The following STK17A variants were observed in gnomAD, a reference collection of about 807,000 sequenced individuals.
STK17A encodes the protein serine/threonine-protein kinase 17A.
In STK17A, 26 loss-of-function variants were observed where a neutral mutation model predicts 43.7. That is an observed-to-expected ratio of 0.60 (90% CI 0.44 to 0.83). The LOEUF (loss-of-function observed/expected upper bound fraction) is 0.83. Ranked by LOEUF, STK17A falls within the 40% of genes least tolerant of loss-of-function variation. The pLI, the probability that STK17A is intolerant of heterozygous loss-of-function variation, is 0.00. For synonymous variants in STK17A, 191 were observed against 182.5 expected (o/e 1.05, Z -0.38); for missense variants, 476 against 511.6 (o/e 0.93, Z 0.67).
rs2084622948 is a variant in STK17A at position 43,627,001 on chromosome 7, A to G, written c.*2159A>G. 6.6e-6 allele frequency among the ~76,000 whole-genome samples: 1 copy of G among 151,628 alleles called. No homozygotes were observed. The highest frequency in any genetic ancestry group is 1.5e-5 in the Non-Finnish European group (1 of 67,880). ...CATAGTATTAGGCCAAATAAAATCT[A>G]TTAATAACTGCCAGCTAGCTCTACA... On this transcript the variant is annotated 3_prime_UTR_variant, in exon 7 of 7. Transcript: ENST00000319357.
chr7:43,599,308 C>T (rs920401019), intron 2 of STK17A, among the ~76,000 whole-genome samples: 1 of 152,210 alleles, frequency 6.6e-6, no homozygotes, highest in African/African-American at 2.4e-5. Flanking sequence ...TTTTCACCTG[C>T]ATTTTCACTT....
At chr7:43,620,450 A>G (rs1273651736) in intron 4 of STK17A, among the ~76,000 whole-genome samples, 9 of 152,130 alleles carry the variant, frequency 5.9e-5, no homozygotes, top group Non-Finnish European at 8.8e-5. Context: ...CAAGGTGGGC[A>G]GATCACTTGA....
chr7:43,594,982 C>G (rs548641187), intron 1 of STK17A, among the ~76,000 whole-genome samples: 1 of 152,000 alleles, frequency 6.6e-6, no homozygotes, highest in African/African-American at 2.4e-5. Context: ...GGTTCAAGCC[C>G]ACATAGGTTT....
intron 1 of STK17A, 109 bp downstream of exon 1, chr7:43,583,558 T>C: frequency 1.0e-6 from 1 of 971,626 alleles, no homozygotes; most frequent in Non-Finnish European, 1.3e-6. Context: ...GCGTTGCTGC[T>C]GCCGATAACG....
chr7:43,583,408 C>T lies in STK17A; in HGVS notation c.165C>T (p.Phe55=), dbSNP rs2082414808. The change falls in exon 1 of 7, where the codon TTC becomes TTT. Residue 55 remains phenylalanine (F), a synonymous_variant. Coordinates refer to ENST00000319357, the MANE Select transcript of STK17A (RefSeq NM_004760.3). ...EIRAVVRTEP[F]QDGYSLCPGR... ...GCGCCGTGGTGCGCACCGAGCCCTT[C>T]CAGGACGGCTACAGCCTGTGCCCGG... The T allele has an allele frequency of 7.0e-7, 1 of 1,435,370 alleles. No homozygotes were observed. Among genetic ancestry groups the T allele is most frequent in the Non-Finnish European group, 9.1e-7 (1 of 1,092,962 alleles). The allele number at this position is 1,435,370 out of a possible 1,614,324, so 88.9% of individuals were successfully genotyped here. A position where few individuals can be genotyped will look rare whatever the true frequency, so the allele number is the denominator to read the frequency against.
At chr7:43,601,318 A>G (rs1207391890) in intron 2 of STK17A, among the ~76,000 whole-genome samples, 1 of 152,248 alleles carries the variant, frequency 6.6e-6, no homozygotes, top group African/African-American at 2.4e-5. Flanking sequence ...TGAGAAGCAC[A>G]AAAGTATTTG....
Position 43,624,709 on chromosome 7 carries a change from T to C in STK17A, c.1112T>C (p.Ile371Thr), listed in dbSNP as rs747030252. The C allele has an allele frequency of 1.1e-5, 18 of 1,614,002 alleles. No homozygotes were observed. The highest frequency in any genetic ancestry group is 1.6e-4 in the Middle Eastern group (1 of 6,082). Residue 371 changes from isoleucine (I) to threonine (T), a missense_variant, in exon 7 of 7, where the codon ATT (isoleucine) becomes ACT (threonine). Ile to Thr is a moderately conservative substitution (Grantham distance 89). Transcript: ENST00000319357. ...GAATCCATTGTAACCGAAGAGTTAA[T>C]TGTAGTTACTTCATATACTCTAGGA... ...TKESIVTEEL[I>T]VVTSYTLGQC... is the part of the protein sequence containing the mutation.
At position 43,608,372 on chromosome 7, in the gene STK17A, C is replaced by G; in HGVS notation, c.536C>G (p.Thr179Ser). 1.9e-6 allele frequency: 3 copies of G among 1,608,940 alleles called. 1 individual carries two copies. In the South Asian group the frequency reaches 3.4e-5, roughly 18 times the overall value. Residue 179 changes from threonine (T) to serine (S), a missense_variant, in exon 3 of 7, where the codon ACT (threonine) becomes AGT (serine). Thr to Ser is a moderately conservative substitution (Grantham distance 58). This residue lies in a region of STK17A where 320 missense variants were observed against 326.3 expected (regional missense o/e 0.98). Transcript: ENST00000319357. ...TTAGAAGGTGTTCACTTTTTACACA[C>G]TCGTGATGTAGTTCATCTTGATTTG... The part of the protein sequence containing the change: ...QILEGVHFLH[T>S]RDVVHLDLKP...
chr7:43,614,271 C>T (rs570776648), intron 3 of STK17A, among the ~76,000 whole-genome samples: 16 of 152,082 alleles, frequency 1.1e-4, no homozygotes, highest in Non-Finnish European at 2.2e-4. Context: ...ATTTACGGAC[C>T]GTCTGCAGGT....
rs1170348793 is a variant in STK17A at position 43,596,062 on chromosome 7, A to G, written c.368A>G (p.Asn123Ser). The G allele has an allele frequency of 6.2e-7, 1 of 1,613,444 alleles. No homozygotes were observed. Among genetic ancestry groups the G allele is most frequent in the South Asian group, 1.1e-5 (1 of 91,028 alleles). Residue 123 changes from asparagine (N) to serine (S), a missense_variant, in exon 2 of 7, where the codon AAT (asparagine) becomes AGT (serine). Physicochemically the swap from Asn to Ser is conservative, Grantham distance 46. This residue lies in a region of STK17A where 320 missense variants were observed against 326.3 expected (regional missense o/e 0.98). Transcript: ENST00000319357. The part of the protein sequence containing the change: ...ELAQDNPWVI[N>S]LHEVYETASE... ...GCACAAGACAATCCTTGGGTCATTA[A>G]TTTACATGAAGTTTATGAGACTGCA...
chr7:43,607,659 A>G (rs1210150029), intron 2 of STK17A, among the ~76,000 whole-genome samples: 5 of 151,464 alleles, frequency 3.3e-5, no homozygotes, highest in Admixed American at 6.6e-5. Flanking sequence ...AAAAAAAAAA[A>G]AAAAAAAAAA....
rs548036132 is a variant in STK17A, at chr7:43,613,597, C to G, written c.564+5197C>G. On this transcript the variant is annotated intron_variant, in intron 3 of 6. Coordinates refer to ENST00000319357, the MANE Select transcript of STK17A (RefSeq NM_004760.3). ...GTGGCTCACACCTGTAATCCCAGCA[C>G]TTTGGGAGGCTGAGGTAGAAGGACC... 8.5e-4 allele frequency among the ~76,000 whole-genome samples: 129 copies of G among 152,184 alleles called. 1 individual carries two copies. The South Asian group carries it at 0.014, about 16-fold the overall frequency.
intron 2 of STK17A, among the ~76,000 whole-genome samples, chr7:43,602,195 A>C (rs1278456331): frequency 6.6e-6 from 1 of 151,962 alleles, no homozygotes; most frequent in Non-Finnish European, 1.5e-5. Context: ...TTCCTAAGTT[A>C]TGTAACCTCT....
chr7:43,617,113 G>T (rs568722080), intron 3 of STK17A, among the ~76,000 whole-genome samples: 1 of 152,288 alleles, frequency 6.6e-6, no homozygotes, highest in South Asian at 2.1e-4. Flanking sequence ...AGACTGGAAA[G>T]TGTCCCGTGG....
Position 43,608,382 on chromosome 7 carries a change from A to G in STK17A, c.546A>G (p.Val182=). ...TTCACTTTTTACACACTCGTGATGTAGTTCATCTTGATTTGAAGGTAAGAT... is the reference window on the plus strand; with the variant it reads ...TTCACTTTTTACACACTCGTGATGTGGTTCATCTTGATTTGAAGGTAAGAT... ...EGVHFLHTRD[V]VHLDLKPQNI... Residue 182 remains valine, a synonymous_variant, in exon 3 of 7, where the codon GTA becomes GTG. Transcript: ENST00000319357. 6.2e-7 allele frequency: 1 copy of G among 1,604,362 alleles called. No individual in the cohort carries two copies. The highest frequency in any genetic ancestry group is 2.2e-5 in the East Asian group (1 of 44,786).
chr7:43,591,558 TG>T (rs2082480029), intron 1 of STK17A, among the ~76,000 whole-genome samples: 1 of 151,410 alleles, frequency 6.6e-6, no homozygotes, highest in African/African-American at 2.4e-5. Context: ...TCTAGAACTG[TG>T]AGGAATGTTT....
At position 43,583,303 on chromosome 7, in the gene STK17A, G is replaced by GGGCCGGGCA; in HGVS notation, c.68_76dup (p.Ala23_Arg25dup). On this transcript the variant is annotated inframe_insertion, in exon 1 of 7. Transcript: ENST00000319357. ...CCTCCCCAGGCGCCACCTCAGGCTCGGGCCGGGCAGGCCGGGGTCTGAGCG... is the reference window on the plus strand; with the variant it reads ...CCTCCCCAGGCGCCACCTCAGGCTCGGGCCGGGCAGGCCGGGCAGGCCGGGGTCTGAGCG... The GGGCCGGGCA allele has an allele frequency of 6.6e-7, 1 of 1,526,172 alleles. No individual in the cohort carries two copies. Among genetic ancestry groups the GGGCCGGGCA allele is most frequent in the Non-Finnish European group, 8.8e-7 (1 of 1,140,008 alleles). The allele number at this position is 1,526,172 out of a possible 1,614,324, so 94.5% of individuals were successfully genotyped here.
rs777774589 is a variant in STK17A at position 43,624,633 on chromosome 7, G to C, written c.1036G>C (p.Gly346Arg). ...ALEEANALQE[G>R]HSVPEINSDT... is the part of the protein sequence containing the mutation. Reference sequence around the variant, plus strand: ...AGAAGAAGCAAATGCCCTCCAAGAAGGTCATTCTGTGCCTGAAATTAATTC... The same window carrying C: ...AGAAGAAGCAAATGCCCTCCAAGAACGTCATTCTGTGCCTGAAATTAATTC... Residue 346 changes from glycine (G) to arginine (R), a missense_variant, in exon 7 of 7, where the codon GGT (glycine) becomes CGT (arginine). By Grantham distance (125) the Gly-to-Arg change is moderately radical. This residue lies in a region of STK17A where 110 missense variants were observed against 103.7 expected (regional missense o/e 1.06). Coordinates refer to ENST00000319357, the MANE Select transcript of STK17A (RefSeq NM_004760.3). 6.2e-7 allele frequency: 1 copy of C among 1,614,058 alleles called. No individual in the cohort carries two copies. Among genetic ancestry groups the C allele is most frequent in the Non-Finnish European group, 8.5e-7 (1 of 1,180,004 alleles).
intron 2 of STK17A, among the ~76,000 whole-genome samples, chr7:43,604,375 A>G (rs2082575357): frequency 6.6e-6 from 1 of 152,128 alleles, no homozygotes; most frequent in South Asian, 2.1e-4. Context: ...TTCACAGTAT[A>G]TATTAGCCCA....
Sources: gnomAD v4.1 joint callset for allele counts (sites outside exome capture counted in the v4.1 genomes callset) on GRCh38, gnomAD v4.1.1 for gene constraint, gnomAD v4.1.1 regional missense constraint, MANE v1.5 for transcripts, NCBI Gene and HGNC (gene_info 2026-07-23, HGNC 2026-07-21) for gene names.